The following CFAP126 variants were observed in gnomAD, a reference collection of about 807,000 sequenced individuals.
CFAP126 encodes the protein protein Flattop.
A neutral mutation model predicts 17.1 loss-of-function variants in CFAP126; 21 were observed. That is an observed-to-expected ratio of 1.23 (90% confidence interval 0.87 to 1.77). CFAP126 has a LOEUF of 1.77. CFAP126 is among the 40% of genes most tolerant of loss of function. CFAP126 has a pLI of 0.00. For synonymous variants in CFAP126, 65 were observed against 73.5 expected (o/e 0.88, Z 0.59); for missense variants, 174 against 215.4 (o/e 0.81, Z 1.20).
At chr1:161,366,383 G>C (rs1384110902) in intron 2 of CFAP126, 56 bp downstream of exon 2, 11 of 1,578,780 alleles carry the variant, frequency 7.0e-6, no homozygotes, top group Non-Finnish European at 8.7e-6. Flanking sequence ...GCTAAAAGGA[G>C]TTAATTGACA....
intron 3 of CFAP126, 51 bp from the exon 4 acceptor site, chr1:161,365,753 A>T: frequency 6.9e-7 from 1 of 1,443,556 alleles, no homozygotes; most frequent in Non-Finnish European, 9.4e-7. Flanking sequence ...CCAGTAACTG[A>T]CTTAGACCTC....
Position 161,365,624 on chromosome 1 carries a change from G to C in CFAP126, c.250C>G (p.Arg84Gly). The C allele has an allele frequency of 6.2e-7, 1 of 1,614,116 alleles. No homozygotes were observed. Among genetic ancestry groups the C allele is most frequent in the Non-Finnish European group, 8.5e-7 (1 of 1,179,980 alleles). The change falls in exon 4 of 5, where the codon CGT becomes GGT. Residue 84 changes from arginine to glycine, a missense_variant. Coordinates refer to ENST00000367974, the MANE Select transcript of CFAP126 (RefSeq NM_001013625.4). ...IPPARVTLTS[R>G]TTAGAASLTK... is the part of the protein sequence containing the mutation. Reference sequence around the variant, plus strand: ...AGGGAGGCAGCACCAGCAGTTGTACGGGAGGTCAGGGTCACCCGAGCAGGG... The same window carrying C: ...AGGGAGGCAGCACCAGCAGTTGTACCGGAGGTCAGGGTCACCCGAGCAGGG...
At chr1:161,365,911 C>T in intron 3 of CFAP126, 1 of 619,486 alleles carries the variant, frequency 1.6e-6, no homozygotes, top group Non-Finnish European at 2.8e-6. Context: ...AACTTAAATT[C>T]CACATCCTTA....
chr1:161,365,485 T>A, intron 4 of CFAP126, 41 bp downstream of exon 4: 2 of 1,603,812 alleles, frequency 1.2e-6, no homozygotes, highest in Non-Finnish European at 1.7e-6. Flanking sequence ...GAAAAGAAAT[T>A]GAGACTACAG....
At chr1:161,367,757 T>G (rs1356253218) in intron 1 of CFAP126, 85 bp downstream of exon 1, 6 of 1,268,214 alleles carry the variant, frequency 4.7e-6, no homozygotes, top group Non-Finnish European at 1.2e-6. Flanking sequence ...TGTTCAAAGA[T>G]CAGAATCCTA....
intron 1 of CFAP126, 156 bp from the exon 2 acceptor site, chr1:161,366,657 ATGTG>A: frequency 1.4e-6 from 1 of 699,036 alleles, no homozygotes; most frequent in Non-Finnish European, 2.5e-6. Context: ...TTTGGTCTAG[ATGTG>A]TGCTGTCCAG....
intron 4 of CFAP126, 178 bp downstream of exon 4, chr1:161,365,348 A>G (rs1672691660): frequency 1.1e-6 from 1 of 901,816 alleles, no homozygotes; most frequent in Non-Finnish European, 1.7e-6. Flanking sequence ...TGTTGGGGGT[A>G]TGATGTCCTT....
At chr1:161,366,021 C>T in intron 3 of CFAP126, 177 bp downstream of exon 3, 1 of 649,490 alleles carries the variant, frequency 1.5e-6, no homozygotes, top group South Asian at 1.8e-5. Flanking sequence ...CTGAAGGGTG[C>T]TAAACACAAC....
chr1:161,364,902 T>A lies in CFAP126; in HGVS notation c.*63A>T, dbSNP rs529227048. 2.2e-5 allele frequency: 33 copies of A among 1,497,916 alleles called. No homozygotes were observed. The South Asian group carries it at 3.4e-4, about 15-fold the overall frequency. 92.8% of individuals were successfully genotyped at this position (1,497,916 alleles called of 1,614,324 possible). A position where few individuals can be genotyped will look rare whatever the true frequency, so the allele number is the denominator to read the frequency against. On this transcript the variant is annotated 3_prime_UTR_variant, in exon 5 of 5. Transcript: ENST00000367974. ...ATATGAAGTTCCAGGTTTGTATTTC[T>A]GGACCTCAGCTAGATTAGGCCCTGC...
chr1:161,367,865 C>A lies in CFAP126; in HGVS notation c.4G>T (p.Ala2Ser). Residue 2 changes from alanine to serine, a missense_variant, in exon 1 of 5, where the codon GCC becomes TCC. Physicochemically the swap from Ala to Ser is moderately conservative, Grantham distance 99 (BLOSUM62 1). Coordinates refer to ENST00000367974, the MANE Select transcript of CFAP126 (RefSeq NM_001013625.4). ...ACCTGGTTGGCACTGTAGTTAGTGG[C>A]CATGATCTTGTGCTGTTTACACTCG... Reference protein sequence around the residue: MATNYSANQYEK... With the variant: MSTNYSANQYEK... 1.2e-6 allele frequency: 2 copies of A among 1,613,998 alleles called. No homozygotes were observed. The highest frequency in any genetic ancestry group is 1.7e-6 in the Non-Finnish European group (2 of 1,179,898).
chr1:161,366,096 A>T, intron 3 of CFAP126, 102 bp downstream of exon 3: 3 of 1,020,830 alleles, frequency 2.9e-6, no homozygotes, highest in Non-Finnish European at 4.6e-6. Flanking sequence ...GAATTAGATT[A>T]AACTTTAATT....
At chr1:161,366,101 T>G (rs965585850) in intron 3 of CFAP126, 97 bp downstream of exon 3, 12 of 1,080,740 alleles carry the variant, frequency 1.1e-5, no homozygotes, top group Non-Finnish European at 1.7e-5. Context: ...AGATTAAACT[T>G]TAATTTTCCC....
In CFAP126 at chr1:161,365,561, C is replaced by G. The variant is rs758968711; in HGVS notation, c.313G>C (p.Ala105Pro). The change falls in exon 4 of 5, where the codon GCC (alanine) becomes CCC (proline). Residue 105 changes from alanine to proline, a missense_variant. Coordinates refer to ENST00000367974, the MANE Select transcript of CFAP126 (RefSeq NM_001013625.4). ...WIQKNPDLLK[A>P]SNGLCPEILG... Reference sequence around the variant, plus strand: ...ATTTCAGGACACAGCCCATTGGAGGCCTTGAGTAAATCAGGATTTTTCTGT... The same window carrying G: ...ATTTCAGGACACAGCCCATTGGAGGGCTTGAGTAAATCAGGATTTTTCTGT... 6.2e-7 allele frequency: 1 copy of G among 1,614,010 alleles called. No homozygotes were observed. Among genetic ancestry groups the G allele is most frequent in the African/African-American group, 1.3e-5 (1 of 74,886 alleles).
Position 161,365,074 on chromosome 1 carries a change from G to A in CFAP126, c.425C>T (p.Thr142Ile). 2 of 1,614,142 alleles carry A rather than the reference G, an allele frequency of 1.2e-6. No homozygotes were observed. The highest frequency in any genetic ancestry group is 1.3e-5 in the African/African-American group (1 of 75,042). The part of the protein sequence containing the change: ...TKTVQQARSP[T>I]IIPSSPAANL... ...GGCAGCTGGGGAGCTTGGAATTATG[G>A]TTGGACTTCGTGCTTGTTGTACAGT... The change falls in exon 5 of 5, where the codon ACC becomes ATC. Residue 142 changes from threonine (T) to isoleucine (I), a missense_variant. By Grantham distance (89) the Thr-to-Ile change is moderately conservative. Transcript: ENST00000367974.
rs1672789903 is a variant in CFAP126 at position 161,367,859 on chromosome 1, T to TA, written c.9dup (p.Asn4Ter). 6.2e-7 allele frequency: 1 copy of TA among 1,613,978 alleles called. No homozygotes were observed. The highest frequency in any genetic ancestry group is 1.7e-5 in the Admixed American group (1 of 60,008). On this transcript the variant is annotated frameshift_variant, in exon 1 of 5. Coordinates refer to ENST00000367974, the MANE Select transcript of CFAP126 (RefSeq NM_001013625.4). LOFTEE classifies it high-confidence loss of function. ...GAACTTACCTGGTTGGCACTGTAGT[T>TA]AGTGGCCATGATCTTGTGCTGTTTA...
At position 161,366,435 on chromosome 1, in the gene CFAP126, A is replaced by G. The variant is rs758440095; in HGVS notation, c.90+4T>C. ...ATCTTGTAGGTGCACTGAACATGGA[A>G]TACCTCTTTTGTTGGCTTAGTGGGA... On this transcript the variant is annotated splice_donor_region_variant and intron_variant, in intron 2 of 4. Coordinates refer to ENST00000367974, the MANE Select transcript of CFAP126 (RefSeq NM_001013625.4). 17 of 1,613,346 alleles carry G rather than the reference A, an allele frequency of 1.1e-5. No homozygotes were observed. In the East Asian group the frequency reaches 3.8e-4, roughly 36 times the overall value.
intron 4 of CFAP126, 101 bp from the exon 5 acceptor site, chr1:161,365,251 G>A: frequency 8.3e-7 from 1 of 1,209,348 alleles, no homozygotes; most frequent in South Asian, 1.4e-5. Context: ...CCCATACCAT[G>A]GGCAGTAGAT....
intron 3 of CFAP126, 143 bp from the exon 4 acceptor site, chr1:161,365,845 C>T: frequency 1.2e-6 from 1 of 823,372 alleles, no homozygotes; most frequent in Non-Finnish European, 1.9e-6. Context: ...CCTTCCTTAT[C>T]CCCCTCCCTC....
chr1:161,366,631 A>C, intron 1 of CFAP126, 130 bp from the exon 2 acceptor site: 2 of 819,812 alleles, frequency 2.4e-6, no homozygotes. Flanking sequence ...AGTCACTATG[A>C]CAAGGGTGTA....
Sources: gnomAD v4.1 joint callset for allele counts on GRCh38, gnomAD v4.1.1 for gene constraint, MANE v1.5 for transcripts, NCBI Gene and HGNC (gene_info 2026-07-23, HGNC 2026-07-21) for gene names.